Variants in PAK5 observed in about 807,000 individuals in gnomAD.
PAK5 encodes p21 (RAC1) activated kinase 5.
PAK5 carries 16 observed loss-of-function variants against 65.9 expected under a neutral mutation model. That is an observed-to-expected ratio of 0.24 (90% confidence interval 0.16 to 0.37). The LOEUF (loss-of-function observed/expected upper bound fraction) is 0.37, where lower values mean the gene tolerates loss of function less well. Among genes scored for constraint, PAK5 ranks in the 10% least tolerant of loss-of-function variants. The pLI is 1.00. For missense variants in PAK5, 785 were observed against 903.9 expected, an observed-to-expected ratio of 0.87 and a Z score of 1.69; for synonymous variants, 371 against 354.9, an observed-to-expected ratio of 1.05 and a Z score of -0.51.
chr20:9,665,869 G>A (rs996187579), intron 2 of PAK5, among the ~76,000 whole-genome samples: 1 of 152,012 alleles, frequency 6.6e-6, no homozygotes, highest in South Asian at 2.1e-4. Context: ...CTTAGAAATG[G>A]TGATAATTAG....
At chr20:9,763,840 G>A (rs1031983891) in intron 1 of PAK5, among the ~76,000 whole-genome samples, 1 of 151,986 alleles carries the variant, frequency 6.6e-6, no homozygotes, top group African/African-American at 2.4e-5. Flanking sequence ...TGTATATTGT[G>A]TTTATACGTA....
Position 9,766,354 on chromosome 20 carries a change from TGAATATATATATATATTCAAGCA to T in PAK5, c.-161-54942_-161-54920del, listed in dbSNP as rs1454074122. Among the ~76,000 whole-genome samples the T allele has an allele frequency of 9.5e-4, 78 of 82,040 alleles. 3 individuals are homozygous for T. Among genetic ancestry groups the T allele is most frequent in the African/African-American group, 1.8e-3 (39 of 21,290 alleles). The allele number at this position is 82,040 out of a possible 152,430, so 53.8% of individuals were successfully genotyped here. A position where few individuals can be genotyped will look rare whatever the true frequency, so the allele number is the denominator to read the frequency against. On this transcript the variant is annotated intron_variant, in intron 1 of 9. Coordinates refer to ENST00000353224, the MANE Select transcript of PAK5 (RefSeq NM_177990.4). The stretch of plus-strand genomic sequence containing the variant: ...CTTGAATATATATATTCTACTTACT[TGAATATATATATATATTCAAGCA>T]GAATATATATGTATATATATATTCA...
chr20:9,639,051 A>C (rs1050504269), intron 3 of PAK5, among the ~76,000 whole-genome samples: 1 of 152,206 alleles, frequency 6.6e-6, no homozygotes, highest in Non-Finnish European at 1.5e-5. Context: ...TTAAACATGC[A>C]TGACTATATC....
At chr20:9,800,125 G>A (rs6133749) in intron 1 of PAK5, among the ~76,000 whole-genome samples, 64,007 of 151,734 alleles carry the variant, frequency 0.42, 14,044 homozygotes, top group Admixed American at 0.49. Context: ...AACTGTCTTC[G>A]CTAATCCTTT....
At chr20:9,802,387 A>G (rs1451966650) in intron 1 of PAK5, among the ~76,000 whole-genome samples, 1 of 152,130 alleles carries the variant, frequency 6.6e-6, no homozygotes, top group East Asian at 1.9e-4. Flanking sequence ...CATATGAACA[A>G]TGATAAACGC....
At chr20:9,707,737 C>T (rs750944303) in intron 2 of PAK5, among the ~76,000 whole-genome samples, 1 of 152,106 alleles carries the variant, frequency 6.6e-6, no homozygotes, top group Non-Finnish European at 1.5e-5. Context: ...ATAAATAAGT[C>T]TTGGCTAGCC....
chr20:9,814,696 C>G (rs976580073), intron 1 of PAK5, among the ~76,000 whole-genome samples: 2 of 152,160 alleles, frequency 1.3e-5, no homozygotes, highest in African/African-American at 4.8e-5. Flanking sequence ...ACTAAAGTAT[C>G]TGTCCATTCA....
rs562705715 is a variant in PAK5 at position 9,829,668 on chromosome 20, C to T, written c.-162+9094G>A. Reference sequence around the variant, plus strand: ...TTTCTAAAACAGTTACCTGAGCAGGCCTGATCCTAACATTTGAGAGACAAG... The same window carrying T: ...TTTCTAAAACAGTTACCTGAGCAGGTCTGATCCTAACATTTGAGAGACAAG... On this transcript the variant is annotated intron_variant, in intron 1 of 9. Transcript: ENST00000353224. 2.6e-5 allele frequency among the ~76,000 whole-genome samples: 4 copies of T among 152,254 alleles called. No individual in the cohort carries two copies. In the South Asian group the frequency reaches 8.3e-4, roughly 32 times the overall value.
chr20:9,768,830 A>AC (rs2048801609), intron 1 of PAK5, among the ~76,000 whole-genome samples: 1 of 151,246 alleles, frequency 6.6e-6, no homozygotes, highest in South Asian at 2.1e-4. Flanking sequence ...AGAAAAAAAA[A>AC]AAACCATAAA....
chr20:9,588,764 G>A (rs2046113959), intron 3 of PAK5, among the ~76,000 whole-genome samples: 1 of 152,144 alleles, frequency 6.6e-6, no homozygotes, highest in Non-Finnish European at 1.5e-5. Context: ...TGGATTTTAT[G>A]CCATGGAACC....
chr20:9,583,917 T>A (rs1342934937), intron 3 of PAK5, among the ~76,000 whole-genome samples: 8 of 152,222 alleles, frequency 5.3e-5, no homozygotes, highest in African/African-American at 1.4e-4. Context: ...GAGCATAATA[T>A]AGTCAGTGTT....
In PAK5 at chr20:9,539,512, C is replaced by T. The variant is rs1484691555; in HGVS notation, c.2110G>A (p.Gly704Ser). The T allele has an allele frequency of 6.2e-7, 1 of 1,613,996 alleles. No homozygotes were observed. The highest frequency in any genetic ancestry group is 8.5e-7 in the Non-Finnish European group (1 of 1,179,958). The change falls in exon 10 of 10, where the codon GGT becomes AGT. Residue 704 changes from glycine (G) to serine (S), a missense_variant. Coordinates refer to ENST00000353224, the MANE Select transcript of PAK5 (RefSeq NM_177990.4). ...AGGGGGACGATGCAAGACGGTGGAC[C>T]TGCTAGTTTTAAGAATGGATGTCCG... ...LLGHPFLKLA[G>S]PPSCIVPLMR... is the part of the protein sequence containing the mutation.
chr20:9,634,798 T>C (rs2046964330), intron 3 of PAK5, among the ~76,000 whole-genome samples: 1 of 152,296 alleles, frequency 6.6e-6, no homozygotes, highest in East Asian at 1.9e-4. Context: ...GATGTTTCTA[T>C]TCCACAGTCT....
At chr20:9,623,764 A>G (rs924520945) in intron 3 of PAK5, among the ~76,000 whole-genome samples, 8 of 152,218 alleles carry the variant, frequency 5.3e-5, no homozygotes, top group African/African-American at 1.9e-4. Context: ...AAGGATTTGA[A>G]TATGCAATTC....
At chr20:9,612,914 T>C (rs996420008) in intron 3 of PAK5, among the ~76,000 whole-genome samples, 4 of 152,138 alleles carry the variant, frequency 2.6e-5, no homozygotes, top group African/African-American at 9.7e-5. Flanking sequence ...CATTAGACTA[T>C]ACAATCTATT....
At chr20:9,797,889 C>T (rs1304331869) in intron 1 of PAK5, among the ~76,000 whole-genome samples, 1 of 151,910 alleles carries the variant, frequency 6.6e-6, no homozygotes, top group South Asian at 2.1e-4. Flanking sequence ...AAGGATTCAT[C>T]AGTATATGAA....
rs888268599 is a variant in PAK5, at chr20:9,711,387, T to G, written c.-113A>C. The G allele has an allele frequency of 6.6e-6, 1 of 152,202 alleles. No homozygotes were observed. Among genetic ancestry groups the G allele is most frequent in the Non-Finnish European group, 1.5e-5 (1 of 68,042 alleles). The allele number at this position is 152,202 out of a possible 1,614,324, so 9.4% of individuals were successfully genotyped here. ...GCTTGTCAGTCTTCTTCATTTTTCC[T>G]CAGTGTTCATTTTAGCAAGAGGTGG... On this transcript the variant is annotated 5_prime_UTR_variant, in exon 2 of 10. Transcript: ENST00000353224.
At chr20:9,600,905 T>C (rs1351941274) in intron 3 of PAK5, among the ~76,000 whole-genome samples, 1 of 151,862 alleles carries the variant, frequency 6.6e-6, no homozygotes, top group Non-Finnish European at 1.5e-5. Flanking sequence ...TTCTGGAGAG[T>C]TTTCCTGTCT....
At chr20:9,687,598 A>G (rs2047736452) in intron 2 of PAK5, among the ~76,000 whole-genome samples, 1 of 152,186 alleles carries the variant, frequency 6.6e-6, no homozygotes, top group Non-Finnish European at 1.5e-5. Flanking sequence ...GTTTTTCAAA[A>G]GCATGGGGCC....
Sources: allele counts gnomAD v4.1 joint callset (sites outside exome capture counted in the v4.1 genomes callset), GRCh38; gene constraint gnomAD v4.1.1; transcripts MANE v1.5; gene names NCBI Gene and HGNC (gene_info 2026-07-23, HGNC 2026-07-21).